Variants in CTNNA3 observed in about 807,000 individuals in gnomAD.
CTNNA3 encodes catenin alpha-3.
A neutral mutation model predicts 95.7 loss-of-function variants in CTNNA3; 76 were observed. The ratio of observed to expected loss-of-function variants is 0.79; its 90% CI spans 0.66 to 0.96. The LOEUF is 0.96. CTNNA3 is among the 40% of genes least tolerant of loss of function. The pLI is 0.00. For missense variants in CTNNA3, 1,191 were observed against 1,089.8 expected (o/e 1.09, Z -1.31); for synonymous variants, 431 against 374.4 (o/e 1.15, Z -1.74).
intron 3 of CTNNA3, among the ~76,000 whole-genome samples, chr10:67,555,740 C>T (rs7097636): frequency 0.058 from 8,773 of 152,152 alleles, 272 homozygotes; most frequent in South Asian, 0.14. Flanking sequence ...ATTGAATACC[C>T]TTTATTTCTT....
At chr10:66,200,927 T>G (rs182239343) in intron 13 of CTNNA3, among the ~76,000 whole-genome samples, 9 of 152,266 alleles carry the variant, frequency 5.9e-5, no homozygotes, top group African/African-American at 2.2e-4. Context: ...AGCATTTAGA[T>G]TAGTATTTTT....
At chr10:67,162,629 C>T (rs922386613) in intron 7 of CTNNA3, among the ~76,000 whole-genome samples, 6 of 151,060 alleles carry the variant, frequency 4.0e-5, no homozygotes, top group Admixed American at 2.6e-4. Context: ...TGAAATACAC[C>T]CAAAGTAAGC....
intron 12 of CTNNA3, among the ~76,000 whole-genome samples, chr10:66,281,534 G>C (rs2132161898): frequency 6.6e-6 from 1 of 151,874 alleles, no homozygotes; most frequent in South Asian, 2.1e-4. Flanking sequence ...CCAAAATGCA[G>C]TTTTTGGGAC....
intron 13 of CTNNA3, among the ~76,000 whole-genome samples, chr10:66,138,716 A>G (rs7913205): frequency 0.83 from 126,045 of 152,084 alleles, 52,416 homozygotes; most frequent in South Asian, 0.92. Context: ...GAAATCAGCC[A>G]GGTGTGGTGG....
chr10:67,286,505 A>G (rs187678196), intron 5 of CTNNA3, among the ~76,000 whole-genome samples: 5 of 152,356 alleles, frequency 3.3e-5, no homozygotes, highest in Admixed American at 3.3e-4. Flanking sequence ...TACATTATAT[A>G]GCTCATGTAA....
At chr10:67,457,642 G>A (rs553266247) in intron 5 of CTNNA3, among the ~76,000 whole-genome samples, 13 of 152,188 alleles carry the variant, frequency 8.5e-5, no homozygotes, top group South Asian at 2.1e-4. Context: ...GAATTAGGCC[G>A]CATGGGCTAA....
At chr10:65,927,062 G>A (rs974155762) in intron 17 of CTNNA3, among the ~76,000 whole-genome samples, 3 of 151,080 alleles carry the variant, frequency 2.0e-5, no homozygotes, top group African/African-American at 7.3e-5. Context: ...TTTAATTTTT[G>A]TTCTGTATTA....
intron 7 of CTNNA3, among the ~76,000 whole-genome samples, chr10:66,847,842 T>A (rs976353587): frequency 6.6e-6 from 1 of 152,142 alleles, no homozygotes; most frequent in Admixed American, 6.6e-5. Context: ...CACATACTAT[T>A]TTATCAATTC....
At chr10:67,344,929 A>C (rs1437707811) in intron 5 of CTNNA3, among the ~76,000 whole-genome samples, 1 of 151,006 alleles carries the variant, frequency 6.6e-6, no homozygotes, top group South Asian at 2.1e-4. Context: ...AAAATTCCTC[A>C]TTATGTTATT....
intron 13 of CTNNA3, among the ~76,000 whole-genome samples, chr10:66,214,883 C>T (rs2088414893): frequency 6.6e-6 from 1 of 151,922 alleles, no homozygotes; most frequent in African/African-American, 2.4e-5. Context: ...AAAGAATTTC[C>T]CTCAAACTAG....
At chr10:67,632,737 A>G (rs1644801546) in intron 2 of CTNNA3, among the ~76,000 whole-genome samples, 1 of 152,112 alleles carries the variant, frequency 6.6e-6, no homozygotes, top group Admixed American at 6.5e-5. Context: ...GATACACAGA[A>G]CTGTGTAGAA....
intron 6 of CTNNA3, among the ~76,000 whole-genome samples, chr10:67,204,253 G>A (rs778935400): frequency 2.0e-5 from 3 of 152,040 alleles, no homozygotes; most frequent in Non-Finnish European, 4.4e-5. Context: ...GGGGCTTGGC[G>A]GGAGGTGATT....
chr10:66,480,924 A>T (rs185349875), intron 11 of CTNNA3, among the ~76,000 whole-genome samples: 1 of 152,142 alleles, frequency 6.6e-6, no homozygotes, highest in African/African-American at 2.4e-5. Context: ...TTTTCTAAGT[A>T]TACTTAAGTA....
At chr10:66,577,407 C>G (rs1843040781) in intron 10 of CTNNA3, among the ~76,000 whole-genome samples, 1 of 151,998 alleles carries the variant, frequency 6.6e-6, no homozygotes, top group African/African-American at 2.4e-5. Flanking sequence ...TGCAAAGGCC[C>G]ATGTCCAGAA....
At position 66,375,909 on chromosome 10, in the gene CTNNA3, G is replaced by A. The variant is rs1406232889; in HGVS notation, c.1732+3243C>T. 2.0e-5 allele frequency among the ~76,000 whole-genome samples: 3 copies of A among 152,082 alleles called. No individual in the cohort carries two copies. In the East Asian group the frequency reaches 5.8e-4, roughly 29 times the overall value. ...TCTGGATACACACTTTCCAGTCTCGGCCTCATCAGATACTTGATGAATGAA... is the reference window on the plus strand; with the variant it reads ...TCTGGATACACACTTTCCAGTCTCGACCTCATCAGATACTTGATGAATGAA... On this transcript the variant is annotated intron_variant, in intron 12 of 17. Transcript: ENST00000433211.
At chr10:67,444,819 C>T (rs368814695) in intron 5 of CTNNA3, among the ~76,000 whole-genome samples, 14 of 152,114 alleles carry the variant, frequency 9.2e-5, no homozygotes, top group South Asian at 4.1e-4. Context: ...AATTCCTAGA[C>T]ACATACAACC....
At chr10:66,329,842 T>C (rs1382353631) in intron 12 of CTNNA3, among the ~76,000 whole-genome samples, 1 of 152,062 alleles carries the variant, frequency 6.6e-6, no homozygotes, top group Non-Finnish European at 1.5e-5. Context: ...GCTCAAGTAA[T>C]TGGACTGTAA....
At chr10:66,501,017 A>T (rs1840260953) in intron 11 of CTNNA3, among the ~76,000 whole-genome samples, 1 of 152,184 alleles carries the variant, frequency 6.6e-6, no homozygotes, top group Admixed American at 6.5e-5. Context: ...TGAAATCTCA[A>T]AGCCACTGAT....
intron 4 of CTNNA3, among the ~76,000 whole-genome samples, chr10:67,529,092 A>G (rs1840237598): frequency 6.6e-6 from 1 of 152,190 alleles, no homozygotes; most frequent in Non-Finnish European, 1.5e-5. Flanking sequence ...TAGCGATTCC[A>G]GAATGTATAC....
Sources: gnomAD v4.1 joint callset for allele counts (sites outside exome capture counted in the v4.1 genomes callset) on GRCh38, gnomAD v4.1.1 for gene constraint, MANE v1.5 for transcripts, NCBI Gene and HGNC (gene_info 2026-07-23, HGNC 2026-07-21) for gene names.